Variants in BRSK2 observed in about 807,000 individuals in gnomAD.
The protein encoded by BRSK2 is serine/threonine-protein kinase BRSK2.
A neutral mutation model predicts 83.3 loss-of-function variants in BRSK2; 19 were observed. The ratio of observed to expected loss-of-function variants is 0.23; its 90% CI spans 0.16 to 0.33. The LOEUF is 0.33. BRSK2 is among the 10% of genes least tolerant of loss of function. The probability of loss-of-function intolerance (pLI) is 1.00; values close to 1 mark genes in which losing one functional copy is unlikely to be tolerated. For synonymous variants in BRSK2, 519 were observed against 435.4 expected (o/e 1.19, Z -2.39); for missense variants, 798 against 1,042.3 (o/e 0.77, Z 3.23).
At chr11:1,421,929 C>T (rs940772267) in intron 1 of BRSK2, among the ~76,000 whole-genome samples, 19 of 140,160 alleles carry the variant, frequency 1.4e-4, no homozygotes, top group East Asian at 2.5e-4. Flanking sequence ...GTGAGCACGG[C>T]GGCCTGACCA....
At position 1,450,726 on chromosome 11, in the gene BRSK2, G is replaced by A. The variant is rs1216004623; in HGVS notation, c.1427G>A (p.Arg476Lys). 3.7e-6 allele frequency: 6 copies of A among 1,602,348 alleles called. No homozygotes were observed. Among genetic ancestry groups the A allele is most frequent in the Admixed American group, 1.8e-5 (1 of 56,888 alleles). The change falls in exon 14 of 20, where the codon AGG becomes AAG. Residue 476 changes from arginine to lysine, a missense_variant. Around this residue, in one of 6 missense-constraint regions of BRSK2, gnomAD observed 455 missense variants for 455.2 expected, o/e 1.00. Transcript: ENST00000528841. Reference sequence around the variant, plus strand: ...CCCAGCGTCGGAGGGGTGCCCTGGAGGGCGCGGCTCAACTCCATCAAGAAC... The same window carrying A: ...CCCAGCGTCGGAGGGGTGCCCTGGAAGGCGCGGCTCAACTCCATCAAGAAC... ...SSPSVGGVPWRARLNSIKNSF... is the reference protein window; with the variant it reads ...SSPSVGGVPWKARLNSIKNSF...
At chr11:1,451,261 G>A (rs1479574416) in intron 14 of BRSK2, 110 bp from the exon 15 acceptor site, 5 of 1,285,846 alleles carry the variant, frequency 3.9e-6, no homozygotes, top group Non-Finnish European at 5.6e-6. Context: ...GGCTGTCCCA[G>A]TGTGTGTGGG....
chr11:1,457,673 C>T (rs1357381088), intron 18 of BRSK2, among the ~76,000 whole-genome samples: 1 of 152,166 alleles, frequency 6.6e-6, no homozygotes, highest in East Asian at 1.9e-4. Context: ...CAGCCTGCAT[C>T]TCAGCAGCTC....
intron 1 of BRSK2, among the ~76,000 whole-genome samples, chr11:1,410,202 C>T (rs1193693018): frequency 3.8e-5 from 4 of 105,846 alleles, no homozygotes; most frequent in Admixed American, 2.0e-4. Context: ...AGAGTGGTGA[C>T]GGACACAGAG....
chr11:1,460,681 G>T lies in BRSK2; in HGVS notation c.2169G>T (p.Thr723=). The change falls in exon 20 of 20, where the codon ACG becomes ACT. Residue 723 remains threonine, a synonymous_variant. Transcript: ENST00000528841. ...CCGAGTACCCAACGGGCAAGGACAC[G>T]GCCAAGATGGGCCCGCCCACCGCCC... is the stretch of plus-strand genomic sequence containing the variant. The part of the protein sequence containing the change: ...GDAEYPTGKD[T]AKMGPPTARR... 6.6e-7 allele frequency: 1 copy of T among 1,517,854 alleles called. No homozygotes were observed. Among genetic ancestry groups the T allele is most frequent in the Non-Finnish European group, 8.8e-7 (1 of 1,137,412 alleles). 94.0% of individuals were successfully genotyped at this position (1,517,854 alleles called of 1,614,324 possible). A position where few individuals can be genotyped will look rare whatever the true frequency, so the allele number is the denominator to read the frequency against.
Position 1,461,058 on chromosome 11 carries a change from C to G in BRSK2, c.*335C>G. 2 of 1,601,326 alleles carry G rather than the reference C, an allele frequency of 1.2e-6. No homozygotes were observed. The highest frequency in any genetic ancestry group is 8.5e-7 in the Non-Finnish European group (1 of 1,173,162). On this transcript the variant is annotated 3_prime_UTR_variant, in exon 20 of 20. Coordinates refer to ENST00000528841, the MANE Select transcript of BRSK2 (RefSeq NM_001256627.2). ...GCTGCGGACCCGCCCTCCCTCCGCT[C>G]CTGCTGTTGCTGCCGGGCAGTGAGG...
At chr11:1,450,557 C>CCAAA (rs1340365879) in intron 13 of BRSK2, 30 bp from the exon 14 acceptor site, 15 of 1,376,594 alleles carry the variant, frequency 1.1e-5, no homozygotes, top group Non-Finnish European at 1.5e-5. Context: ...CGGGATTGAA[C>CCAAA]CAAACACCAA....
chr11:1,415,337 G>A (rs189589477), intron 1 of BRSK2, among the ~76,000 whole-genome samples: 29 of 152,164 alleles, frequency 1.9e-4, no homozygotes, highest in Admixed American at 1.0e-3. Flanking sequence ...CTCATGATCC[G>A]CCCGTCTGGG....
intron 18 of BRSK2, chr11:1,456,981 A>C: frequency 6.3e-7 from 1 of 1,597,360 alleles, no homozygotes. Flanking sequence ...GCCAGGACTA[A>C]GCTGGGGTGC....
intron 1 of BRSK2, among the ~76,000 whole-genome samples, chr11:1,407,381 CCA>C (rs1478990128): frequency 2.6e-5 from 4 of 152,198 alleles, no homozygotes; most frequent in Admixed American, 2.0e-4. Context: ...GTTCCTGGCC[CCA>C]CAGAGTCCAC....
In BRSK2 at chr11:1,445,317, C is replaced by T. The variant is rs368326057; in HGVS notation, c.836C>T (p.Pro279Leu). ...WYIGGKNEPEPEQPIPRKVQI... is the reference protein window; with the variant it reads ...WYIGGKNEPELEQPIPRKVQI... ...AGAGGGGGCAAGAATGAGCCCGAAC[C>T]AGAGCAGCCCATTCCTCGCAAGGTG... is the stretch of plus-strand genomic sequence containing the variant. The change falls in exon 10 of 20, where the codon CCA becomes CTA. Residue 279 changes from proline to leucine, a missense_variant. Pro to Leu is a moderately conservative substitution (Grantham distance 98, BLOSUM62 -3). This residue lies in a region of BRSK2 where 145 missense variants were observed against 225.4 expected (regional missense o/e 0.64). Coordinates refer to ENST00000528841, the MANE Select transcript of BRSK2 (RefSeq NM_001256627.2). The T allele has an allele frequency of 6.2e-7, 1 of 1,610,588 alleles. No homozygotes were observed. The highest frequency in any genetic ancestry group is 8.5e-7 in the Non-Finnish European group (1 of 1,178,818).
chr11:1,400,253 G>T (rs1000623070), intron 1 of BRSK2, among the ~76,000 whole-genome samples: 4 of 152,184 alleles, frequency 2.6e-5, no homozygotes, highest in Admixed American at 1.3e-4. Context: ...CCCCTCCATG[G>T]CTGGGAGCTG....
chr11:1,452,652 C>A (rs34805614), intron 15 of BRSK2, among the ~76,000 whole-genome samples: 65,122 of 150,162 alleles, frequency 0.43, 15,371 homozygotes, highest in Non-Finnish European at 0.54. Flanking sequence ...AAGGGTCCAG[C>A]ACAGATGCCT....
At chr11:1,460,432 C>A in intron 19 of BRSK2, 68 bp from the exon 20 acceptor site, 1 of 1,062,486 alleles carries the variant, frequency 9.4e-7, no homozygotes. Flanking sequence ...CTCCCCTCCT[C>A]TTTCTCTCCC....
chr11:1,456,839 C>T, intron 18 of BRSK2, 152 bp downstream of exon 18: 13 of 1,352,198 alleles, frequency 9.6e-6, no homozygotes, highest in Non-Finnish European at 1.3e-5. Flanking sequence ...TGTGGCTGCA[C>T]CCCTCAGGGA....
intron 1 of BRSK2, among the ~76,000 whole-genome samples, chr11:1,395,169 C>T (rs1276000635): frequency 6.6e-6 from 1 of 152,180 alleles, no homozygotes; most frequent in Non-Finnish European, 1.5e-5. Context: ...CTGACCCCAG[C>T]TGTTTTGTCA....
chr11:1,457,619 C>T (rs562467974), intron 18 of BRSK2, among the ~76,000 whole-genome samples: 37 of 152,218 alleles, frequency 2.4e-4, no homozygotes, highest in African/African-American at 7.7e-4. Context: ...GGGCGCTGGG[C>T]GTCGTGGGGG....
chr11:1,395,803 C>T (rs1293719292), intron 1 of BRSK2, among the ~76,000 whole-genome samples: 3 of 152,336 alleles, frequency 2.0e-5, no homozygotes. Context: ...CAAGGCCAGG[C>T]TGTGCCCCCT....
At chr11:1,446,139 ACTGGACTGGGCTAGGCTGAGCTGGG>A (rs1852065944) in intron 12 of BRSK2, among the ~76,000 whole-genome samples, 1 of 117,128 alleles carries the variant, frequency 8.5e-6, no homozygotes, top group Admixed American at 8.5e-5. Flanking sequence ...GCTGTGCTGG[ACTGGACTGGGCTAGGCTGAGCTGGG>A]CTGGCCTGGG....
Sources: allele counts gnomAD v4.1 joint callset (sites outside exome capture counted in the v4.1 genomes callset), GRCh38; gene constraint gnomAD v4.1.1; regional missense constraint gnomAD v4.1.1; transcripts MANE v1.5; gene names NCBI Gene and HGNC (gene_info 2026-07-23, HGNC 2026-07-21).